ASTN1: variants seen among roughly 807,000 people sequenced by gnomAD.
ASTN1 encodes astrotactin-1.
A neutral mutation model predicts 140.7 loss-of-function variants in ASTN1; 41 were observed. The observed-to-expected ratio is 0.29, with a 90% CI of 0.23 to 0.38. ASTN1 has a LOEUF of 0.38. Among genes scored for constraint, ASTN1 ranks in the 10% least tolerant of loss-of-function variants. The pLI is 1.00. For missense variants in ASTN1, 1,479 were observed against 1,678.8 expected (o/e 0.88, Z 2.08); for synonymous variants, 640 against 652.2 (o/e 0.98, Z 0.29).
chr1:177,045,395 G>A (rs11576541), intron 2 of ASTN1, among the ~76,000 whole-genome samples: 8,843 of 152,262 alleles, frequency 0.058, 368 homozygotes, highest in South Asian at 0.17. Flanking sequence ...TGCTAAGGTT[G>A]ACAAAACACA....
chr1:176,908,315 A>G (rs7511658), intron 16 of ASTN1, among the ~76,000 whole-genome samples: 127,237 of 152,138 alleles, frequency 0.84, 53,364 homozygotes, highest in Middle Eastern at 0.95. Context: ...ACTGGCAAAT[A>G]AGGACATGGT....
At chr1:177,136,032 C>T (rs982619788) in intron 1 of ASTN1, among the ~76,000 whole-genome samples, 5 of 152,190 alleles carry the variant, frequency 3.3e-5, no homozygotes, top group African/African-American at 1.2e-4. Flanking sequence ...GACCTCTCTT[C>T]CTGAAGAAAG....
At chr1:177,018,256 G>A (rs1337426837) in intron 7 of ASTN1, among the ~76,000 whole-genome samples, 1 of 152,158 alleles carries the variant, frequency 6.6e-6, no homozygotes, top group Non-Finnish European at 1.5e-5. Flanking sequence ...GTTACAGAAC[G>A]GAGTGTAGCA....
chr1:177,131,636 A>G (rs1035926274), intron 1 of ASTN1, among the ~76,000 whole-genome samples: 6 of 152,202 alleles, frequency 3.9e-5, no homozygotes, highest in African/African-American at 1.4e-4. Flanking sequence ...ATTAGGCTTT[A>G]AAAGAGGAAA....
At chr1:177,094,274 A>G (rs530128769) in intron 1 of ASTN1, among the ~76,000 whole-genome samples, 1 of 152,358 alleles carries the variant, frequency 6.6e-6, no homozygotes, top group African/African-American at 2.4e-5. Context: ...GATCTGTCTA[A>G]CACTGAAGTG....
chr1:176,945,131 C>G (rs1319734604), intron 13 of ASTN1, among the ~76,000 whole-genome samples: 2 of 152,084 alleles, frequency 1.3e-5, no homozygotes, highest in East Asian at 1.9e-4. Flanking sequence ...AGAACAGGGA[C>G]AGGCATTGAA....
chr1:177,080,813 C>T (rs1571754302), intron 1 of ASTN1, among the ~76,000 whole-genome samples: 1 of 152,168 alleles, frequency 6.6e-6, no homozygotes, highest in South Asian at 2.1e-4. Context: ...ATTTGCTAGT[C>T]AGATGATCCC....
intron 1 of ASTN1, among the ~76,000 whole-genome samples, chr1:177,064,051 C>T (rs1367443764): frequency 6.6e-6 from 1 of 152,132 alleles, no homozygotes; most frequent in Non-Finnish European, 1.5e-5. Context: ...GGCTTATTAC[C>T]TCTGTTTCCA....
chr1:177,009,869 G>A (rs1363305673), intron 8 of ASTN1, among the ~76,000 whole-genome samples: 1 of 152,132 alleles, frequency 6.6e-6, no homozygotes, highest in Non-Finnish European at 1.5e-5. Context: ...TTGAAATCTA[G>A]TGATATTTTA....
chr1:176,947,834 T>C (rs1672020530), intron 12 of ASTN1, among the ~76,000 whole-genome samples: 1 of 152,190 alleles, frequency 6.6e-6, no homozygotes, highest in African/African-American at 2.4e-5. Context: ...TCCTGTTCTT[T>C]TTCCAACACC....
intron 9 of ASTN1, among the ~76,000 whole-genome samples, chr1:176,964,740 G>C (rs1672804123): frequency 6.6e-6 from 1 of 152,158 alleles, no homozygotes; most frequent in Non-Finnish European, 1.5e-5. Context: ...TATGAGGAAG[G>C]TGCAAATTAG....
chr1:177,021,206 C>T (rs1248981395), intron 7 of ASTN1, among the ~76,000 whole-genome samples: 1 of 152,186 alleles, frequency 6.6e-6, no homozygotes, highest in African/African-American at 2.4e-5. Flanking sequence ...AGATGCTGCA[C>T]CTTAGTTTTG....
chr1:177,141,732 T>G (rs1306827221), intron 1 of ASTN1, among the ~76,000 whole-genome samples: 1 of 152,194 alleles, frequency 6.6e-6, no homozygotes, highest in African/African-American at 2.4e-5. Flanking sequence ...CATTTCCAAC[T>G]GCCTGGCTCT....
intron 1 of ASTN1, among the ~76,000 whole-genome samples, chr1:177,126,449 T>C (rs1681654518): frequency 6.6e-6 from 1 of 152,082 alleles, no homozygotes; most frequent in African/African-American, 2.4e-5. Context: ...TACTCTAGGG[T>C]CTGAGATCTG....
At chr1:177,028,820 G>T (rs1571674837) in intron 5 of ASTN1, among the ~76,000 whole-genome samples, 1 of 152,210 alleles carries the variant, frequency 6.6e-6, no homozygotes, top group East Asian at 1.9e-4. Context: ...ACAAGGTATT[G>T]TTAACTCATT....
chr1:176,865,275 A>C (rs1668091112), intron 22 of ASTN1, among the ~76,000 whole-genome samples: 1 of 152,186 alleles, frequency 6.6e-6, no homozygotes, highest in Non-Finnish European at 1.5e-5. Flanking sequence ...AGAGGACAGC[A>C]AGGTGCCCCA....
chr1:176,918,500 A>G (rs1270960286), intron 16 of ASTN1, among the ~76,000 whole-genome samples: 1 of 152,140 alleles, frequency 6.6e-6, no homozygotes, highest in Non-Finnish European at 1.5e-5. Flanking sequence ...TTATTATAGT[A>G]ACTGGCACTT....
rs577654497 is a variant in ASTN1, at chr1:177,143,906, A to G, written c.283+20488T>C. 4.0e-3 allele frequency among the ~76,000 whole-genome samples: 609 copies of G among 152,306 alleles called. 6 individuals carry two copies. Among genetic ancestry groups the G allele is most frequent in the Non-Finnish European group, 6.6e-3 (447 of 68,020 alleles). ...TGACAATTAGGAGAAGCTAAGTGAA[A>G]GGTAGGTGGGAATTATTTGCATTAT... On this transcript the variant is annotated intron_variant, in intron 1 of 22. Coordinates refer to ENST00000361833, the MANE Select transcript of ASTN1 (RefSeq NM_004319.3).
chr1:176,876,992 C>G (rs1294040060), intron 20 of ASTN1, among the ~76,000 whole-genome samples: 1 of 152,176 alleles, frequency 6.6e-6, no homozygotes, highest in African/African-American at 2.4e-5. Context: ...GAATTAGAAA[C>G]TCTAGGGATG....
Sources: allele counts gnomAD v4.1 joint callset (sites outside exome capture counted in the v4.1 genomes callset), GRCh38; gene constraint gnomAD v4.1.1; transcripts MANE v1.5; gene names NCBI Gene and HGNC (gene_info 2026-07-23, HGNC 2026-07-21).